Variants in LATS1 observed in about 807,000 individuals in gnomAD.
LATS1 encodes serine/threonine-protein kinase LATS1.
LATS1 carries 25 observed loss-of-function variants against 106.6 expected under a neutral mutation model. The observed-to-expected ratio is 0.23, with a 90% CI of 0.17 to 0.33. The LOEUF (loss-of-function observed/expected upper bound fraction) is 0.33, where lower values mean the gene tolerates loss of function less well. Among genes scored for constraint, LATS1 ranks in the 10% least tolerant of loss-of-function variants. The pLI, the probability that LATS1 is intolerant of heterozygous loss-of-function variation, is 1.00. For synonymous variants in LATS1, 465 were observed against 455.6 expected (o/e 1.02, Z -0.26); for missense variants, 1,040 against 1,382.6 (o/e 0.75, Z 3.93).
At chr6:149,679,602 T>C (rs185301756) in intron 5 of LATS1, among the ~76,000 whole-genome samples, 18 of 148,978 alleles carry the variant, frequency 1.2e-4, no homozygotes, top group Non-Finnish European at 2.1e-4. Flanking sequence ...AAATAAAATG[T>C]AAAAGGTGTG....
chr6:149,676,535 A>G lies in LATS1; in HGVS notation c.2776+20T>C, dbSNP rs1201997156. The G allele has an allele frequency of 3.7e-6, 6 of 1,608,842 alleles. No individual in the cohort carries two copies. Among genetic ancestry groups the G allele is most frequent in the Non-Finnish European group, 5.1e-6 (6 of 1,175,912 alleles). ...TGGTCTAAAGGTCTACTGAGAATAT[A>G]TATGAAAGAAGTGCTTTACCTGTTC... On this transcript the variant is annotated intron_variant, in intron 6 of 7. Transcript: ENST00000543571.
rs1473432377 is a variant in LATS1, at chr6:149,661,962, C to T, written c.3160G>A (p.Glu1054Lys). 6 of 1,613,906 alleles carry T rather than the reference C, an allele frequency of 3.7e-6. No individual in the cohort carries two copies. The African/African-American group carries it at 6.7e-5, about 18-fold the overall frequency. Reference protein sequence around the residue: ...PDKLWSDDNEEENVNDTLNGW... With the variant: ...PDKLWSDDNEKENVNDTLNGW... ...TTGAGAGTGTCATTTACATTTTCTT[C>T]CTCGTTATCATCACTCCATAATTTA... Residue 1054 changes from glutamate (E) to lysine (K), a missense_variant, in exon 8 of 8, where the codon GAA becomes AAA. Glu to Lys is a moderately conservative substitution (Grantham distance 56). Around this residue, in one of 7 missense-constraint regions of LATS1, gnomAD observed 113 missense variants for 146.3 expected, o/e 0.77. Transcript: ENST00000543571.
At chr6:149,686,674 A>G (rs144760070) in intron 3 of LATS1, among the ~76,000 whole-genome samples, 5 of 152,286 alleles carry the variant, frequency 3.3e-5, no homozygotes, top group African/African-American at 9.6e-5. Flanking sequence ...TTACAGGTTG[A>G]TATTATTCCT....
chr6:149,687,904 C>T (rs375963363), intron 3 of LATS1, among the ~76,000 whole-genome samples: 4 of 143,630 alleles, frequency 2.8e-5, no homozygotes, highest in Admixed American at 7.1e-5. Flanking sequence ...GGCGGAGTCT[C>T]GCTCTGTCGC....
rs536894081 is a variant in LATS1 at position 149,671,998 on chromosome 6, C to A, written c.2883+4262G>T. Among the ~76,000 whole-genome samples the A allele has an allele frequency of 1.1e-4, 17 of 151,704 alleles. No individual in the cohort carries two copies. In the South Asian group the frequency reaches 3.5e-3, roughly 32 times the overall value. On this transcript the variant is annotated intron_variant, in intron 7 of 7. Coordinates refer to ENST00000543571, the MANE Select transcript of LATS1 (RefSeq NM_004690.4). Reference sequence around the variant, plus strand: ...CCTCCTCCCAGATTCAAGCTATTTTCCTGTCTCCACCTCCCGAGTAGCTGG... The same window carrying A: ...CCTCCTCCCAGATTCAAGCTATTTTACTGTCTCCACCTCCCGAGTAGCTGG...
intron 1 of LATS1, among the ~76,000 whole-genome samples, chr6:149,712,799 G>A (rs1210948547): frequency 6.6e-6 from 1 of 152,108 alleles, no homozygotes; most frequent in Non-Finnish European, 1.5e-5. Flanking sequence ...TTTGAGACTA[G>A]CCTGGGAAAC....
chr6:149,665,229 T>TCA (rs1270152841), intron 7 of LATS1, among the ~76,000 whole-genome samples: 3 of 152,012 alleles, frequency 2.0e-5, no homozygotes, highest in South Asian at 2.1e-4. Flanking sequence ...GGTGTGGTGG[T>TCA]GCATACCTGT....
intron 7 of LATS1, among the ~76,000 whole-genome samples, chr6:149,662,966 CAAAAAAAAAAAA>C (rs61479102): frequency 3.1e-5 from 3 of 96,254 alleles, no homozygotes; most frequent in Non-Finnish European, 6.7e-5. Context: ...ACACTGTCTC[CAAAAAAAAAAAA>C]AAAAAAAAAG....
chr6:149,695,034 T>C (rs1458563631), intron 3 of LATS1, 40 bp downstream of exon 3: 33 of 1,522,922 alleles, frequency 2.2e-5, no homozygotes, highest in Non-Finnish European at 2.8e-5. Context: ...AACTACACAG[T>C]AAAAGAAGAG....
intron 3 of LATS1, among the ~76,000 whole-genome samples, chr6:149,691,586 C>T (rs1288674971): frequency 3.3e-5 from 5 of 152,214 alleles, no homozygotes; most frequent in Non-Finnish European, 4.4e-5. Context: ...TTCCAAAACA[C>T]TGAAAACCTT....
chr6:149,695,224 G>T lies in LATS1; in HGVS notation c.349-3C>A. ...TGAAGAGCTTGTATAACCATATCCT[G>T]ATATGAATTGAAGTTTAAAAAAAAA... On this transcript the variant is annotated splice_region_variant and splice_polypyrimidine_tract_variant and intron_variant, in intron 2 of 7. Coordinates refer to ENST00000543571, the MANE Select transcript of LATS1 (RefSeq NM_004690.4). 6.4e-7 allele frequency: 1 copy of T among 1,561,820 alleles called. No individual in the cohort carries two copies. The highest frequency in any genetic ancestry group is 1.2e-5 in the South Asian group (1 of 84,954).
At chr6:149,666,086 G>C (rs1562317494) in intron 7 of LATS1, among the ~76,000 whole-genome samples, 1 of 130,008 alleles carries the variant, frequency 7.7e-6, no homozygotes, top group Non-Finnish European at 1.5e-5. Context: ...AGTGAGCCGA[G>C]ATCGCACCAC....
At chr6:149,710,180 A>G (rs1046385872) in intron 1 of LATS1, among the ~76,000 whole-genome samples, 3 of 152,188 alleles carry the variant, frequency 2.0e-5, no homozygotes, top group African/African-American at 7.2e-5. Flanking sequence ...CCTAAAATGT[A>G]TAAAACCAAG....
In LATS1 at chr6:149,661,789, C is replaced by A; in HGVS notation, c.3333G>T (p.Ser1111=). ...AGCCTGTGTTTTGATCATCTTCATC[C>A]GACTGCTGCTCTGAGCCTTGTGAAT... ...YINSQGSEQQ[S]DEDDQNTGSE... Residue 1111 remains serine, a synonymous_variant, in exon 8 of 8, where the codon TCG becomes TCT. Transcript: ENST00000543571. The A allele has an allele frequency of 1.2e-6, 2 of 1,603,080 alleles. No homozygotes were observed. Among genetic ancestry groups the A allele is most frequent in the East Asian group, 2.2e-5 (1 of 44,762 alleles).
intron 7 of LATS1, among the ~76,000 whole-genome samples, chr6:149,673,388 C>T (rs949536696): frequency 2.6e-5 from 4 of 151,848 alleles, no homozygotes; most frequent in Non-Finnish European, 5.9e-5. Flanking sequence ...CATGAGCTAC[C>T]GCGCCCAGCC....
intron 7 of LATS1, among the ~76,000 whole-genome samples, chr6:149,668,602 C>T: frequency 7.5e-6 from 1 of 133,092 alleles, no homozygotes; most frequent in Non-Finnish European, 1.6e-5. Flanking sequence ...TCCACCATGC[C>T]CAGCTATTTT....
intron 1 of LATS1, among the ~76,000 whole-genome samples, chr6:149,710,288 A>G (rs1192074654): frequency 6.6e-6 from 1 of 152,130 alleles, no homozygotes; most frequent in Non-Finnish European, 1.5e-5. Flanking sequence ...TAGATCTCTT[A>G]AAATATTTTA....
At chr6:149,694,051 C>T (rs144148135) in intron 3 of LATS1, among the ~76,000 whole-genome samples, 2,439 of 152,194 alleles carry the variant, frequency 0.016, 74 homozygotes, top group African/African-American at 0.056. Context: ...GAACATACCA[C>T]TGTACTCCAG....
chr6:149,709,092 T>C (rs1783947919), intron 1 of LATS1, among the ~76,000 whole-genome samples: 2 of 152,088 alleles, frequency 1.3e-5, no homozygotes, highest in Non-Finnish European at 1.5e-5. Context: ...AAATTCTAAG[T>C]CCTTCAACCA....
Sources: allele counts gnomAD v4.1 joint callset (sites outside exome capture counted in the v4.1 genomes callset), GRCh38; gene constraint gnomAD v4.1.1; regional missense constraint gnomAD v4.1.1; transcripts MANE v1.5; gene names NCBI Gene and HGNC (gene_info 2026-07-23, HGNC 2026-07-21).